CEP57L1: variants seen among roughly 807,000 people sequenced by gnomAD.
The protein encoded by CEP57L1 is centrosomal protein CEP57L1.
Under a neutral mutation model 61.0 loss-of-function variants are expected in CEP57L1, and 37 were observed. The observed-to-expected ratio is 0.61, with a 90% CI of 0.47 to 0.80. The LOEUF (loss-of-function observed/expected upper bound fraction) is 0.80, where lower values mean the gene tolerates loss of function less well. Among genes scored for constraint, CEP57L1 ranks in the 30% least tolerant of loss-of-function variants. CEP57L1 has a pLI of 0.00. For synonymous variants in CEP57L1, 137 were observed against 162.3 expected (o/e 0.84, Z 1.19); for missense variants, 422 against 524.7 (o/e 0.80, Z 1.91).
chr6:109,145,939 A>C (rs1033073927), intron 2 of CEP57L1, among the ~76,000 whole-genome samples: 6 of 151,956 alleles, frequency 3.9e-5, no homozygotes, highest in Admixed American at 3.3e-4. Context: ...GATATCACCT[A>C]CTTTTAAAAT....
At chr6:109,160,769 A>G in intron 10 of CEP57L1, 53 bp downstream of exon 10, 1 of 1,539,166 alleles carries the variant, frequency 6.5e-7, no homozygotes, top group Non-Finnish European at 8.7e-7. Context: ...ATCTGGATTC[A>G]GTGTTGTATC....
chr6:109,133,215 GAC>G (rs1774399249), intron 1 of CEP57L1, among the ~76,000 whole-genome samples: 1 of 152,144 alleles, frequency 6.6e-6, no homozygotes, highest in Non-Finnish European at 1.5e-5. Flanking sequence ...TTTTATGGAA[GAC>G]AGTTTTTCCA....
In CEP57L1 at chr6:109,160,661, A is replaced by G; in HGVS notation, c.1106A>G (p.Lys369Arg). Residue 369 changes from lysine to arginine, a missense_variant, in exon 10 of 11, where the codon AAG (lysine) becomes AGG (arginine). Coordinates refer to ENST00000517392, the MANE Select transcript of CEP57L1 (RefSeq NM_001271852.3). ...DIECELECLL[K>R]KMEIKGEQIS... ...GAATGTGAACTAGAGTGTTTACTCA[A>G]GAAAATGGAAATTAAAGGAGAACAA... The G allele has an allele frequency of 6.2e-7, 1 of 1,609,526 alleles. No individual in the cohort carries two copies. The highest frequency in any genetic ancestry group is 8.5e-7 in the Non-Finnish European group (1 of 1,178,364).
intron 7 of CEP57L1, chr6:109,158,348 C>A: frequency 4.5e-6 from 1 of 223,478 alleles, no homozygotes; most frequent in Non-Finnish European, 9.0e-6. Flanking sequence ...ATTAGCCAGG[C>A]AGTAGTGGCA....
intron 1 of CEP57L1, among the ~76,000 whole-genome samples, chr6:109,136,842 A>G (rs1259357314): frequency 2.0e-5 from 3 of 151,422 alleles, no homozygotes; most frequent in African/African-American, 7.3e-5. Flanking sequence ...TGCAGCCTCC[A>G]CCTCCCAGGT....
chr6:109,113,908 A>G (rs1042145498), intron 1 of CEP57L1, among the ~76,000 whole-genome samples: 8 of 152,168 alleles, frequency 5.3e-5, no homozygotes, highest in Non-Finnish European at 1.0e-4. Context: ...AGACATTGCT[A>G]GAATAAAGCT....
upstream of CEP57L1, chr6:109,095,316 G>A: frequency 2.0e-6 from 2 of 986,012 alleles, no homozygotes; most frequent in Non-Finnish European, 2.4e-6. Context: ...GAAAGAGGGC[G>A]CGAAGGGACT....
rs1774238392 is a variant in CEP57L1 at position 109,168,506 on chromosome 6, T to TTG, written c.*5537_*5538dup. The stretch of plus-strand genomic sequence containing the variant: ...ATTTCTGCATACTTCAGCCTCCTCA[T>TTG]TGGTTGGATCCAGTCAGTGTTTTTC... On this transcript the variant is annotated 3_prime_UTR_variant, in exon 11 of 11. Coordinates refer to ENST00000517392, the MANE Select transcript of CEP57L1 (RefSeq NM_001271852.3). 6.6e-6 allele frequency among the ~76,000 whole-genome samples: 1 copy of TTG among 152,152 alleles called. No homozygotes were observed. Among genetic ancestry groups the TTG allele is most frequent in the Admixed American group, 6.6e-5 (1 of 15,264 alleles).
chr6:109,137,159 C>A (rs1175745234), intron 1 of CEP57L1, among the ~76,000 whole-genome samples: 1 of 151,822 alleles, frequency 6.6e-6, no homozygotes, highest in Admixed American at 6.6e-5. Flanking sequence ...ATGTTTAAAC[C>A]TTTTTTGTTT....
intron 1 of CEP57L1, among the ~76,000 whole-genome samples, chr6:109,138,716 G>C (rs528461115): frequency 1.5e-3 from 234 of 152,198 alleles, no homozygotes; most frequent in Non-Finnish European, 2.7e-3. Flanking sequence ...GTATTGCCTT[G>C]TTTTCTTTTA....
At chr6:109,149,656 A>G (rs1176885316) in intron 3 of CEP57L1, among the ~76,000 whole-genome samples, 1 of 152,072 alleles carries the variant, frequency 6.6e-6, no homozygotes, top group Admixed American at 6.5e-5. Flanking sequence ...TTCTGTGAAG[A>G]AAGTCATTGG....
chr6:109,098,955 G>A (rs1257923054), intron 1 of CEP57L1, among the ~76,000 whole-genome samples: 1 of 152,220 alleles, frequency 6.6e-6, no homozygotes, highest in Non-Finnish European at 1.5e-5. Flanking sequence ...TTGTGTGAGA[G>A]TAAGAGTCAA....
At position 109,168,873 on chromosome 6, in the gene CEP57L1, G is replaced by C. The variant is rs1774270508; in HGVS notation, c.*5903G>C. ...AGTGTCCCAAAGTGCTGGGATTACA[G>C]GCGTGAGCCACCATGCCTGGCCAGC... On this transcript the variant is annotated 3_prime_UTR_variant, in exon 11 of 11. Coordinates refer to ENST00000517392, the MANE Select transcript of CEP57L1 (RefSeq NM_001271852.3). 6.7e-6 allele frequency among the ~76,000 whole-genome samples: 1 copy of C among 150,110 alleles called. No homozygotes were observed. The highest frequency in any genetic ancestry group is 6.7e-5 in the Admixed American group (1 of 14,876).
intron 2 of CEP57L1, 97 bp from the exon 3 acceptor site, chr6:109,146,661 A>G: frequency 2.6e-6 from 2 of 777,278 alleles, no homozygotes; most frequent in Admixed American, 7.1e-5. Flanking sequence ...TTTCTGGCTC[A>G]GTAACAAAAA....
At chr6:109,107,009 A>C (rs1771018147) in intron 1 of CEP57L1, among the ~76,000 whole-genome samples, 1 of 152,204 alleles carries the variant, frequency 6.6e-6, no homozygotes, top group Admixed American at 6.5e-5. Flanking sequence ...CTCCTTAAAT[A>C]TGTAATAGTA....
At chr6:109,133,080 T>C (rs1218422519) in intron 1 of CEP57L1, among the ~76,000 whole-genome samples, 3 of 152,216 alleles carry the variant, frequency 2.0e-5, no homozygotes, top group Non-Finnish European at 4.4e-5. Flanking sequence ...CTTTATCCCT[T>C]AAATATAATA....
intron 1 of CEP57L1, among the ~76,000 whole-genome samples, chr6:109,120,912 GCA>G (rs71747421): frequency 0.18 from 23,700 of 133,016 alleles, 1,924 homozygotes; most frequent in African/African-American, 0.24. Flanking sequence ...TTAGACACAC[GCA>G]CACACACACA....
chr6:109,150,688 A>G (rs1772514123), intron 4 of CEP57L1, among the ~76,000 whole-genome samples: 2 of 151,632 alleles, frequency 1.3e-5, no homozygotes, highest in Non-Finnish European at 2.9e-5. Flanking sequence ...GTAAAATCTT[A>G]AAAGCATCCA....
chr6:109,162,663 G>A (rs1205205161), intron 10 of CEP57L1, 86 bp from the exon 11 acceptor site: 12 of 872,012 alleles, frequency 1.4e-5, no homozygotes, highest in Middle Eastern at 3.4e-4. Flanking sequence ...ACTTTTTAAC[G>A]TTAAACCATC....
Sources: allele counts gnomAD v4.1 joint callset (sites outside exome capture counted in the v4.1 genomes callset), GRCh38; gene constraint gnomAD v4.1.1; transcripts MANE v1.5; gene names NCBI Gene and HGNC (gene_info 2026-07-23, HGNC 2026-07-21).